IGF2BP3: variants seen among roughly 807,000 people sequenced by gnomAD.
The protein encoded by IGF2BP3 is insulin like growth factor 2 mRNA binding protein 3, also known as insulin-like growth factor 2 mRNA-binding protein 3.
A neutral mutation model predicts 73.8 loss-of-function variants in IGF2BP3; 9 were observed. That is an observed-to-expected ratio of 0.12 (90% confidence interval 0.07 to 0.21). The LOEUF is 0.21. IGF2BP3 is among the 10% of genes least tolerant of loss of function. The probability of loss-of-function intolerance (pLI) is 1.00; values close to 1 mark genes in which losing one functional copy is unlikely to be tolerated. For missense variants in IGF2BP3, 542 were observed against 714.0 expected, an observed-to-expected ratio of 0.76 and a Z score of 2.75; for synonymous variants, 258 against 256.7, an observed-to-expected ratio of 1.01 and a Z score of -0.05.
At chr7:23,347,820 T>A (rs371976344) in intron 6 of IGF2BP3, 86 bp from the exon 7 acceptor site, 9 of 1,534,956 alleles carry the variant, frequency 5.9e-6, no homozygotes, top group East Asian at 2.3e-5. Flanking sequence ...TGCAAAGTCA[T>A]AGGGCTTCAG....
chr7:23,399,077 A>G (rs13236883), intron 3 of IGF2BP3, among the ~76,000 whole-genome samples: 37,895 of 151,980 alleles, frequency 0.25, 4,942 homozygotes, highest in South Asian at 0.34. Context: ...ATCTTGAATT[A>G]ATTTTTGTAT....
chr7:23,434,165 T>A (rs1323332680), intron 2 of IGF2BP3, among the ~76,000 whole-genome samples: 6 of 152,080 alleles, frequency 3.9e-5, no homozygotes, highest in African/African-American at 9.7e-5. Flanking sequence ...TCACTAAAAC[T>A]GTACCTGCAA....
intron 3 of IGF2BP3, among the ~76,000 whole-genome samples, chr7:23,399,748 A>G (rs776070625): frequency 2.0e-5 from 3 of 152,198 alleles, no homozygotes; most frequent in Non-Finnish European, 2.9e-5. Flanking sequence ...TCCTCCACCT[A>G]AAAACAGTGA....
At chr7:23,383,154 CTAAT>C (rs1354995102) in intron 3 of IGF2BP3, among the ~76,000 whole-genome samples, 3 of 152,074 alleles carry the variant, frequency 2.0e-5, no homozygotes, top group Non-Finnish European at 2.9e-5. Flanking sequence ...TCAAAATAAT[CTAAT>C]TATTTATTAA....
intron 5 of IGF2BP3, among the ~76,000 whole-genome samples, chr7:23,358,077 T>C (rs1349417500): frequency 6.6e-6 from 1 of 152,198 alleles, no homozygotes; most frequent in African/African-American, 2.4e-5. Flanking sequence ...TTATGAAACA[T>C]GTTTTGGAGG....
intron 10 of IGF2BP3, among the ~76,000 whole-genome samples, chr7:23,338,767 A>AT (rs750481637): frequency 2.0e-5 from 3 of 152,226 alleles, no homozygotes; most frequent in Admixed American, 1.3e-4. Context: ...TGGGAAAAAC[A>AT]TTTTTTTCCC....
At chr7:23,395,975 C>A (rs1398582214) in intron 3 of IGF2BP3, among the ~76,000 whole-genome samples, 1 of 150,548 alleles carries the variant, frequency 6.6e-6, no homozygotes, top group Non-Finnish European at 1.5e-5. Context: ...CCCGAGACAA[C>A]AAATTTATAT....
rs116552548 is a variant in IGF2BP3 at position 23,455,059 on chromosome 7, C to T, written c.236+13423G>A. On this transcript the variant is annotated intron_variant, in intron 2 of 14. Coordinates refer to ENST00000258729, the MANE Select transcript of IGF2BP3 (RefSeq NM_006547.3). ...ACCCATGCTTATAAAGTACTGAAGA[C>T]GCAAAAGTTCAGTGGGATCTCTGGT... 3.4e-3 allele frequency among the ~76,000 whole-genome samples: 525 copies of T among 152,290 alleles called. 6 individuals are homozygous for T. The highest frequency in any genetic ancestry group is 0.012 in the African/African-American group (480 of 41,558).
chr7:23,335,391 T>C (rs758295882), intron 10 of IGF2BP3, among the ~76,000 whole-genome samples: 1 of 151,970 alleles, frequency 6.6e-6, no homozygotes, highest in Non-Finnish European at 1.5e-5. Context: ...TCAGGTGATC[T>C]TCCTACTTTA....
intron 10 of IGF2BP3, 36 bp downstream of exon 10, chr7:23,342,027 GC>G: frequency 6.6e-7 from 1 of 1,515,400 alleles, no homozygotes; most frequent in Non-Finnish European, 8.8e-7. Context: ...TTAAGATTTT[GC>G]CCAATCACAA....
At position 23,312,121 on chromosome 7, in the gene IGF2BP3, C is replaced by T. The variant is rs1004248826; in HGVS notation, c.*241G>A. On this transcript the variant is annotated 3_prime_UTR_variant, in exon 15 of 15. Coordinates refer to ENST00000258729, the MANE Select transcript of IGF2BP3 (RefSeq NM_006547.3). ...AGAGCTCTTCTCTTTCCCTCCCTCC[C>T]CCACCCTTTTTTTGTTTGTTTGTTT... 2 of 438,522 alleles carry T rather than the reference C, an allele frequency of 4.6e-6. No homozygotes were observed. The highest frequency in any genetic ancestry group is 4.2e-5 in the African/African-American group (2 of 48,126). 27.2% of individuals were successfully genotyped at this position (438,522 alleles called of 1,614,324 possible). A position where few individuals can be genotyped will look rare whatever the true frequency, so the allele number is the denominator to read the frequency against.
At chr7:23,342,039 A>C in intron 10 of IGF2BP3, 25 bp downstream of exon 10, 1 of 1,533,514 alleles carries the variant, frequency 6.5e-7, no homozygotes, top group Non-Finnish European at 8.7e-7. Flanking sequence ...CCAATCACAA[A>C]GAAAGCCAAG....
At chr7:23,413,427 G>C (rs1402433757) in intron 3 of IGF2BP3, 1 of 152,106 alleles carries the variant, frequency 6.6e-6, no homozygotes, top group Non-Finnish European at 1.5e-5. Flanking sequence ...GTTGCAGTGA[G>C]CCGAGGTCGT....
rs533089043 is a variant in IGF2BP3, at chr7:23,449,283, C to T, written c.236+19199G>A. 4.6e-5 allele frequency among the ~76,000 whole-genome samples: 7 copies of T among 151,904 alleles called. No homozygotes were observed. The South Asian group carries it at 8.3e-4, about 18-fold the overall frequency. ...CTGAAATCCCAGCACTTTGGGAGAC[C>T]GAGGCGGGCAGATCACGAAGTCAAG... On this transcript the variant is annotated intron_variant, in intron 2 of 14. Coordinates refer to ENST00000258729, the MANE Select transcript of IGF2BP3 (RefSeq NM_006547.3).
intron 3 of IGF2BP3, among the ~76,000 whole-genome samples, chr7:23,394,068 T>TA (rs113420930): frequency 2.7e-5 from 4 of 150,710 alleles, no homozygotes; most frequent in East Asian, 1.9e-4. Context: ...GTTGTGTGAT[T>TA]AAAAAAAAAA....
chr7:23,437,546 A>G (rs1397905325), intron 2 of IGF2BP3, among the ~76,000 whole-genome samples: 1 of 152,136 alleles, frequency 6.6e-6, no homozygotes, highest in East Asian at 1.9e-4. Context: ...TGTCCACTTA[A>G]ATGAAATCCT....
intron 10 of IGF2BP3, among the ~76,000 whole-genome samples, chr7:23,323,051 G>A (rs1038290758): frequency 2.0e-5 from 3 of 152,090 alleles, no homozygotes; most frequent in Non-Finnish European, 4.4e-5. Context: ...ATAATGACAT[G>A]ATCAAATTCA....
At chr7:23,421,690 C>CA (rs78946584) in intron 2 of IGF2BP3, among the ~76,000 whole-genome samples, 2,544 of 60,644 alleles carry the variant, frequency 0.042, 83 homozygotes, top group Admixed American at 0.18. Context: ...GACTCCATCT[C>CA]AAAAAAAAAA....
rs1783795281 is a variant in IGF2BP3 at position 23,310,380 on chromosome 7, A to C, written c.*1982T>G. On this transcript the variant is annotated 3_prime_UTR_variant, in exon 15 of 15. Coordinates refer to ENST00000258729, the MANE Select transcript of IGF2BP3 (RefSeq NM_006547.3). ...CTCCAAATTACAAATGCTTAAGTAA[A>C]AGTAAAATATGATTTGCCATACTAA... is the stretch of plus-strand genomic sequence containing the variant. 6.6e-6 allele frequency: 1 copy of C among 150,936 alleles called. No homozygotes were observed. The highest frequency in any genetic ancestry group is 2.4e-5 in the African/African-American group (1 of 41,314). 9.3% of individuals were successfully genotyped at this position (150,936 alleles called of 1,614,324 possible).
Sources: allele counts gnomAD v4.1 joint callset (sites outside exome capture counted in the v4.1 genomes callset), GRCh38; gene constraint gnomAD v4.1.1; transcripts MANE v1.5; gene names NCBI Gene and HGNC (gene_info 2026-07-23, HGNC 2026-07-21).